Variants in NRG3 observed in about 807,000 individuals in gnomAD.
The protein encoded by NRG3 is neuregulin 3.
Under a neutral mutation model 66.9 loss-of-function variants are expected in NRG3, and 31 were observed. The ratio of observed to expected loss-of-function variants is 0.46; its 90% CI spans 0.35 to 0.63. The LOEUF is 0.63. Ranked by LOEUF, NRG3 falls within the 20% of genes least tolerant of loss-of-function variation. The pLI is 0.00. For missense variants in NRG3, 910 were observed against 878.9 expected, an observed-to-expected ratio of 1.04 and a Z score of -0.45; for synonymous variants, 393 against 359.4, an observed-to-expected ratio of 1.09 and a Z score of -1.06.
At chr10:82,545,360 G>A (rs2043821181) in intron 2 of NRG3, among the ~76,000 whole-genome samples, 1 of 150,240 alleles carries the variant, frequency 6.7e-6, no homozygotes, top group South Asian at 2.1e-4. Flanking sequence ...AATTTTTAAA[G>A]TAATCTTGCT....
chr10:82,596,690 C>G (rs759110687), intron 2 of NRG3, among the ~76,000 whole-genome samples: 3 of 152,166 alleles, frequency 2.0e-5, no homozygotes, highest in Non-Finnish European at 4.4e-5. Context: ...CACTTCTCCT[C>G]TCTACCACTC....
chr10:82,576,237 T>C (rs1397140182), intron 2 of NRG3, among the ~76,000 whole-genome samples: 1 of 151,750 alleles, frequency 6.6e-6, no homozygotes, highest in Non-Finnish European at 1.5e-5. Context: ...TATTCCTACA[T>C]TTTAAATATC....
At position 81,875,286 on chromosome 10, in the gene NRG3, C is replaced by T; in HGVS notation, c.-55C>T. 1.0e-6 allele frequency: 1 copy of T among 978,054 alleles called. No individual in the cohort carries two copies. The highest frequency in any genetic ancestry group is 1.2e-6 in the Non-Finnish European group (1 of 825,568). The allele number at this position is 978,054 out of a possible 1,614,324, so 60.6% of individuals were successfully genotyped here. On this transcript the variant is annotated 5_prime_UTR_variant, in exon 1 of 9. Transcript: ENST00000372141. The surrounding 1 kb of genome is among the most constrained non-coding windows in gnomAD (Gnocchi z 5.3). ...CCGCGCCCGCGCCCGGCCCGCGCGG[C>T]CCCATGCCTCTGCCGCGGCCCTCGG...
At chr10:82,075,403 A>G (rs967852702) in intron 1 of NRG3, among the ~76,000 whole-genome samples, 1 of 152,128 alleles carries the variant, frequency 6.6e-6, no homozygotes, top group Admixed American at 6.5e-5. Context: ...TTCATATCCA[A>G]TATTTTATTC....
intron 2 of NRG3, among the ~76,000 whole-genome samples, chr10:82,450,293 G>A (rs1448542398): frequency 6.6e-6 from 1 of 152,066 alleles, no homozygotes; most frequent in African/African-American, 2.4e-5. Flanking sequence ...GTGCCTATAG[G>A]CCTGGTGAGC....
intron 2 of NRG3, among the ~76,000 whole-genome samples, chr10:82,443,765 A>G (rs1288750613): frequency 6.6e-6 from 1 of 152,210 alleles, no homozygotes; most frequent in South Asian, 2.1e-4. Context: ...AAAGTTTTAA[A>G]GAAGAGGCAA....
intron 1 of NRG3, among the ~76,000 whole-genome samples, chr10:82,204,390 C>T (rs1280869829): frequency 6.6e-6 from 1 of 152,210 alleles, no homozygotes; most frequent in Admixed American, 6.5e-5. Flanking sequence ...GATTAGCTCT[C>T]ATCAGTGGGC....
intron 2 of NRG3, among the ~76,000 whole-genome samples, chr10:82,552,829 A>T (rs2044403347): frequency 6.6e-6 from 1 of 152,170 alleles, no homozygotes; most frequent in African/African-American, 2.4e-5. Flanking sequence ...GTTCAAAAAC[A>T]TATAGTATAT....
At chr10:82,330,911 G>T (rs1427446814) in intron 1 of NRG3, among the ~76,000 whole-genome samples, 3 of 152,088 alleles carry the variant, frequency 2.0e-5, no homozygotes, top group Non-Finnish European at 4.4e-5. Flanking sequence ...GCCATCTAGT[G>T]GTCTAGTCTG....
intron 1 of NRG3, among the ~76,000 whole-genome samples, chr10:82,172,283 A>G (rs1473882051): frequency 6.6e-6 from 1 of 152,150 alleles, no homozygotes; most frequent in African/African-American, 2.4e-5. Context: ...AGTCTACTGA[A>G]GTGGCCAACC....
intron 2 of NRG3, among the ~76,000 whole-genome samples, chr10:82,677,251 C>T (rs2053770342): frequency 6.6e-6 from 1 of 151,948 alleles, no homozygotes; most frequent in African/African-American, 2.4e-5. Context: ...GGGGGTTTCA[C>T]CATGTTGCCC....
At chr10:82,647,259 G>C (rs1185758466) in intron 2 of NRG3, among the ~76,000 whole-genome samples, 1 of 151,998 alleles carries the variant, frequency 6.6e-6, no homozygotes, top group Non-Finnish European at 1.5e-5. Context: ...GCGGTGTTTG[G>C]TTTTTTGTTC....
At chr10:82,182,435 C>G (rs980926522) in intron 1 of NRG3, among the ~76,000 whole-genome samples, 4 of 151,576 alleles carry the variant, frequency 2.6e-5, no homozygotes, top group Middle Eastern at 3.2e-3. Flanking sequence ...TACCATGGGG[C>G]TTACATAATC....
intron 1 of NRG3, among the ~76,000 whole-genome samples, chr10:82,081,576 T>A (rs1390584107): frequency 6.6e-6 from 1 of 152,176 alleles, no homozygotes; most frequent in Non-Finnish European, 1.5e-5. Flanking sequence ...TACTTCTATA[T>A]CTGAATTGAA....
chr10:82,135,904 C>T (rs1160661045), intron 1 of NRG3, among the ~76,000 whole-genome samples: 1 of 152,054 alleles, frequency 6.6e-6, no homozygotes, highest in African/African-American at 2.4e-5. Context: ...TGAGGATATT[C>T]GTCAATGTCT....
intron 2 of NRG3, among the ~76,000 whole-genome samples, chr10:82,637,177 A>C (rs2050258314): frequency 6.6e-6 from 1 of 152,170 alleles, no homozygotes; most frequent in African/African-American, 2.4e-5. Flanking sequence ...TTAAGTATAC[A>C]CAATAAAATT....
intron 1 of NRG3, among the ~76,000 whole-genome samples, chr10:82,122,666 C>T (rs2068168447): frequency 6.6e-6 from 1 of 152,064 alleles, no homozygotes; most frequent in Non-Finnish European, 1.5e-5. Context: ...TGTTAGCTTC[C>T]TGATCTTGGC....
intron 1 of NRG3, among the ~76,000 whole-genome samples, chr10:82,013,737 C>A (rs1313615088): frequency 6.6e-6 from 1 of 151,716 alleles, no homozygotes; most frequent in African/African-American, 2.4e-5. Flanking sequence ...CTCTAATTTT[C>A]TCACTCTGCT....
chr10:82,183,301 T>A (rs1284812396), intron 1 of NRG3, among the ~76,000 whole-genome samples: 1 of 152,008 alleles, frequency 6.6e-6, no homozygotes, highest in Non-Finnish European at 1.5e-5. Flanking sequence ...TAACTTTCCA[T>A]AAGTCACTTG....
Sources: gnomAD v4.1 joint callset for allele counts (sites outside exome capture counted in the v4.1 genomes callset) on GRCh38, gnomAD v4.1.1 for gene constraint, Gnocchi (gnomAD v3.1) non-coding constraint, MANE v1.5 for transcripts, NCBI Gene and HGNC (gene_info 2026-07-23, HGNC 2026-07-21) for gene names.